Variants in OTULIN observed in about 807,000 individuals in gnomAD.
OTULIN encodes the protein OTU deubiquitinase with linear linkage specificity, also known as ubiquitin thioesterase otulin.
In OTULIN, 15 loss-of-function variants were observed where a neutral mutation model predicts 39.6. The ratio of observed to expected loss-of-function variants is 0.38; its 90% CI spans 0.25 to 0.58. OTULIN has a LOEUF of 0.58. Ranked by LOEUF, OTULIN falls within the 20% of genes least tolerant of loss-of-function variation. The pLI is 0.66. For synonymous variants in OTULIN, 156 were observed against 170.3 expected, an observed-to-expected ratio of 0.92 and a Z score of 0.65; for missense variants, 319 against 445.9, an observed-to-expected ratio of 0.72 and a Z score of 2.56.
At position 14,688,398 on chromosome 5, in the gene OTULIN, TA is replaced by T. The variant is rs1561000920; in HGVS notation, c.594+753del. Among the ~76,000 whole-genome samples, 3 of 152,300 alleles carry T rather than the reference TA, an allele frequency of 2.0e-5. No individual in the cohort carries two copies. In the South Asian group the frequency reaches 6.2e-4, roughly 32 times the overall value. On this transcript the variant is annotated intron_variant, in intron 5 of 6. Transcript: ENST00000284274. The stretch of plus-strand genomic sequence containing the variant: ...ACTTTTCAAGGTCCTTCCTAGCACG[TA>T]CTTCAAACAGTGATTTCTGTACTCA...
Position 14,664,747 on chromosome 5 carries a change from G to A in OTULIN, c.-79G>A. The A allele has an allele frequency of 9.2e-7, 1 of 1,086,000 alleles. No individual in the cohort carries two copies. Among genetic ancestry groups the A allele is most frequent in the Non-Finnish European group, 1.1e-6 (1 of 893,182 alleles). 67.3% of individuals were successfully genotyped at this position (1,086,000 alleles called of 1,614,324 possible). On this transcript the variant is annotated 5_prime_UTR_variant, in exon 1 of 7. Transcript: ENST00000284274. The stretch of plus-strand genomic sequence containing the variant: ...ACCGCCCCGGCGGCTGAGAGGCTGC[G>A]GCCACTGCCTGGCACCCCGACGGGA...
chr5:14,676,030 C>T (rs1001807986), intron 2 of OTULIN, among the ~76,000 whole-genome samples: 1 of 152,162 alleles, frequency 6.6e-6, no homozygotes, highest in African/African-American at 2.4e-5. Flanking sequence ...CAAGCCTTAA[C>T]TTATTTCCTG....
rs139848059 is a variant in OTULIN at position 14,664,879 on chromosome 5, C to G, written c.54C>G (p.Ala18=). 3 of 1,194,062 alleles carry G rather than the reference C, an allele frequency of 2.5e-6. No individual in the cohort carries two copies. The highest frequency in any genetic ancestry group is 7.1e-5 in the East Asian group (2 of 27,998). The allele number at this position is 1,194,062 out of a possible 1,614,324, so 74.0% of individuals were successfully genotyped here. A position where few individuals can be genotyped will look rare whatever the true frequency, so the allele number is the denominator to read the frequency against. ...AAGCGTGGCCAGGCGCGAGCTGCGC[C>G]GAGACGCCGGCGCGGGAGGCGGCGG... The part of the protein sequence containing the change: ...QPEAWPGASC[A]ETPAREAAAT... The change falls in exon 1 of 7, where the codon GCC becomes GCG. Residue 18 remains alanine (A), a synonymous_variant. Transcript: ENST00000284274.
chr5:14,712,961 C>T, the OTULIN span: 28 of 1,613,072 alleles, frequency 1.7e-5, no homozygotes, highest in African/African-American at 4.0e-5. Flanking sequence ...CGCCCAGGGT[C>T]GCACCGTGCA....
intron 2 of OTULIN, chr5:14,674,065 T>TAG (rs1736041070): frequency 5.9e-6 from 1 of 169,560 alleles, no homozygotes; most frequent in South Asian, 1.4e-4. Flanking sequence ...TGGAAAGACT[T>TAG]AACTGAGAAA....
chr5:14,707,657 G>T, the OTULIN span: 1 of 151,954 alleles, frequency 6.6e-6, no homozygotes, highest in Non-Finnish European at 1.5e-5. Flanking sequence ...CCCACCCCCT[G>T]CACCTCCCAA....
intron 3 of OTULIN, among the ~76,000 whole-genome samples, chr5:14,679,137 T>A (rs570088732): frequency 6.6e-6 from 1 of 152,328 alleles, no homozygotes; most frequent in East Asian, 1.9e-4. Context: ...GATTCCACAC[T>A]TCTGCTTTCC....
the OTULIN span, chr5:14,713,691 G>A: frequency 1.7e-5 from 28 of 1,612,696 alleles, 1 homozygote; most frequent in South Asian, 8.8e-5. This position sits in a 1 kb window ranked among gnomAD's most constrained non-coding sequence, Gnocchi z 4.4. Flanking sequence ...CAAAGGACTC[G>A]TCAGCCGTGC....
intron 4 of OTULIN, among the ~76,000 whole-genome samples, chr5:14,684,459 A>G (rs1305905469): frequency 6.6e-6 from 1 of 152,224 alleles, no homozygotes; most frequent in East Asian, 1.9e-4. Context: ...GAAGGAAGGA[A>G]GGGACCCATA....
At chr5:14,673,953 G>T in intron 2 of OTULIN, 1 of 294,338 alleles carries the variant, frequency 3.4e-6, no homozygotes, top group Non-Finnish European at 6.3e-6. Context: ...CACCTATGAG[G>T]ATTGTTTTGT....
intron 5 of OTULIN, among the ~76,000 whole-genome samples, chr5:14,689,497 G>A (rs540592432): frequency 2.1e-4 from 32 of 152,076 alleles, no homozygotes; most frequent in African/African-American, 6.8e-4. Flanking sequence ...TTCTTAATCC[G>A]GAGTCAAGAG....
intron 1 of OTULIN, among the ~76,000 whole-genome samples, chr5:14,667,333 A>G (rs144797310): frequency 8.5e-5 from 13 of 152,300 alleles, no homozygotes; most frequent in African/African-American, 3.1e-4. Context: ...CACACGTGAG[A>G]GAAGTGGGGG....
At chr5:14,702,030 GGAGGGA>G (rs1736805259), downstream of OTULIN, among the ~76,000 whole-genome samples, 1 of 152,192 alleles carries the variant, frequency 6.6e-6, no homozygotes, top group Admixed American at 6.5e-5. Flanking sequence ...AGATGGTTCT[GGAGGGA>G]GGCTTCTGTA....
chr5:14,713,103 C>T, the OTULIN span: 1 of 905,162 alleles, frequency 1.1e-6, no homozygotes, highest in Non-Finnish European at 1.7e-6. The surrounding 1 kb of genome is among the most constrained non-coding windows in gnomAD (Gnocchi z 4.4). Flanking sequence ...CATCTGCTGG[C>T]TTCGTAAGGG....
rs533709652 is a variant in OTULIN at position 14,694,651 on chromosome 5, C to G, written c.*1603C>G. On this transcript the variant is annotated 3_prime_UTR_variant, in exon 7 of 7. Transcript: ENST00000284274. ...AAAACTATTCAGACTGTTACTTTAG[C>G]TTTCTCCCATTACCTCATCAGTAAT... 3.3e-5 allele frequency: 5 copies of G among 152,722 alleles called. No individual in the cohort carries two copies. In the South Asian group the frequency reaches 1.0e-3, roughly 32 times the overall value. 9.5% of individuals were successfully genotyped at this position (152,722 alleles called of 1,614,324 possible).
At chr5:14,713,690 C>T in the OTULIN span, 29 of 1,612,692 alleles carry the variant, frequency 1.8e-5, no homozygotes, top group Admixed American at 1.2e-4. The surrounding 1 kb of genome is among the most constrained non-coding windows in gnomAD (Gnocchi z 4.4). Flanking sequence ...GCAAAGGACT[C>T]GTCAGCCGTG....
At chr5:14,674,294 A>G (rs918315442) in intron 2 of OTULIN, among the ~76,000 whole-genome samples, 2 of 152,346 alleles carry the variant, frequency 1.3e-5, no homozygotes, top group Admixed American at 6.5e-5. Flanking sequence ...TTGGCTGGCA[A>G]AGTTGCATGT....
intron 4 of OTULIN, 32 bp from the exon 5 acceptor site, chr5:14,687,489 C>G: frequency 6.2e-7 from 1 of 1,604,062 alleles, no homozygotes; most frequent in Non-Finnish European, 8.5e-7. Context: ...AATGTTAACA[C>G]TTCTTTATCT....
chr5:14,686,789 A>T (rs1351957751), intron 4 of OTULIN, among the ~76,000 whole-genome samples: 1 of 152,182 alleles, frequency 6.6e-6, no homozygotes, highest in Non-Finnish European at 1.5e-5. Context: ...TTGTGTTGAT[A>T]ACTAGAGGGA....
Sources: allele counts gnomAD v4.1 joint callset (sites outside exome capture counted in the v4.1 genomes callset), GRCh38; gene constraint gnomAD v4.1.1; non-coding constraint Gnocchi (gnomAD v3.1); transcripts MANE v1.5; gene names NCBI Gene and HGNC (gene_info 2026-07-23, HGNC 2026-07-21).